IQCJ: variants seen among roughly 807,000 people sequenced by gnomAD.
The protein encoded by IQCJ is IQ domain-containing protein J.
A neutral mutation model predicts 11.0 loss-of-function variants in IQCJ; 9 were observed. The observed-to-expected ratio is 0.82, with a 90% confidence interval of 0.49 to 1.43. The LOEUF (loss-of-function observed/expected upper bound fraction) is 1.43. Among genes scored for constraint, IQCJ ranks in the 40% most tolerant of loss-of-function variants. The probability of loss-of-function intolerance (pLI) is 0.00; values close to 1 mark genes in which losing one functional copy is unlikely to be tolerated. For missense variants in IQCJ, 146 were observed against 133.2 expected (o/e 1.10, Z -0.47); for synonymous variants, 55 against 51.3 (o/e 1.07, Z -0.31).
Position 159,262,623 on chromosome 3 carries a change from C to T in IQCJ, c.231C>T (p.Val77=). The T allele has an allele frequency of 6.2e-7, 1 of 1,614,020 alleles. No individual in the cohort carries two copies. The highest frequency in any genetic ancestry group is 8.5e-7 in the Non-Finnish European group (1 of 1,179,888). Residue 77 remains valine (V), a synonymous_variant, in exon 4 of 4, where the codon GTC becomes GTT. Transcript: ENST00000397832. The stretch of plus-strand genomic sequence containing the variant: ...AGAGGAGCCCGTCCCCACCCTCTGT[C>T]TCCTCAGAGAAGCTGAGCAGCTCTG... ...LGKRSPSPPS[V]SSEKLSSSVS...
chr3:159,257,888 G>C (rs886677582), intron 3 of IQCJ, among the ~76,000 whole-genome samples: 12 of 152,092 alleles, frequency 7.9e-5, no homozygotes, highest in African/African-American at 2.9e-4. Context: ...AAACGTAATG[G>C]GGAGGCAGGG....
intron 1 of IQCJ, among the ~76,000 whole-genome samples, chr3:159,173,974 A>C (rs1448715540): frequency 6.6e-6 from 1 of 152,076 alleles, no homozygotes; most frequent in Non-Finnish European, 1.5e-5. Context: ...TAATTCTTTC[A>C]TAATTTTCCT....
intron 1 of IQCJ, among the ~76,000 whole-genome samples, chr3:159,129,141 T>C (rs759765519): frequency 6.6e-6 from 1 of 152,212 alleles, no homozygotes. Flanking sequence ...AAGTCTCTGA[T>C]GTATTAATAA....
intron 1 of IQCJ, among the ~76,000 whole-genome samples, chr3:159,119,155 T>C (rs1457902695): frequency 1.3e-5 from 2 of 152,248 alleles, no homozygotes; most frequent in African/African-American, 4.8e-5. Context: ...TTTGCTGCTG[T>C]GGCAGAGGAT....
chr3:159,222,472 C>T (rs984602778), intron 1 of IQCJ, among the ~76,000 whole-genome samples: 10 of 152,070 alleles, frequency 6.6e-5, no homozygotes, highest in African/African-American at 2.4e-4. Context: ...GTTTCCCTTT[C>T]CCCTGTATGT....
At chr3:159,175,812 A>G (rs1722761189) in intron 1 of IQCJ, among the ~76,000 whole-genome samples, 1 of 152,216 alleles carries the variant, frequency 6.6e-6, no homozygotes, top group Non-Finnish European at 1.5e-5. Context: ...AAGTCCTTGT[A>G]TGCACTAGAT....
chr3:159,265,264 T>A (rs1728435486), downstream of IQCJ: 1 of 1,613,790 alleles, frequency 6.2e-7, no homozygotes, highest in Non-Finnish European at 8.5e-7. Flanking sequence ...TCTTGGAGGT[T>A]GCAGTCACCT....
intron 1 of IQCJ, among the ~76,000 whole-genome samples, chr3:159,116,802 C>G (rs1245794142): frequency 6.6e-6 from 1 of 151,384 alleles, no homozygotes; most frequent in African/African-American, 2.4e-5. Context: ...AAAATAAGAA[C>G]CAAACCACAC....
intron 1 of IQCJ, among the ~76,000 whole-genome samples, chr3:159,225,023 G>A (rs1725770786): frequency 6.6e-6 from 1 of 152,010 alleles, no homozygotes; most frequent in South Asian, 2.1e-4. Context: ...ATAAAATTTG[G>A]CGTTATCTCA....
chr3:159,187,380 C>T (rs1408782120), intron 1 of IQCJ, among the ~76,000 whole-genome samples: 1 of 152,206 alleles, frequency 6.6e-6, no homozygotes, highest in East Asian at 1.9e-4. Flanking sequence ...TGGAATGAAA[C>T]CAAGGGGCCT....
intron 1 of IQCJ, among the ~76,000 whole-genome samples, chr3:159,179,818 C>T (rs1722991384): frequency 6.6e-6 from 1 of 152,140 alleles, no homozygotes; most frequent in Non-Finnish European, 1.5e-5. Flanking sequence ...GGTTAAATAA[C>T]ATTCAGTCAA....
At chr3:159,186,496 A>G (rs1388251234) in intron 1 of IQCJ, among the ~76,000 whole-genome samples, 2 of 152,206 alleles carry the variant, frequency 1.3e-5, no homozygotes, top group Non-Finnish European at 2.9e-5. Context: ...ATTGTGGAAG[A>G]CTAATTTGAA....
chr3:159,077,147 G>A (rs932331245), intron 1 of IQCJ, among the ~76,000 whole-genome samples: 13 of 152,074 alleles, frequency 8.5e-5, no homozygotes, highest in African/African-American at 3.1e-4. Flanking sequence ...TTTTAATCCA[G>A]TGTCTGCTGA....
rs1344130030 is a variant in IQCJ, at chr3:159,120,955, A to T, written c.9+51514A>T. On this transcript the variant is annotated intron_variant, in intron 1 of 3. Coordinates refer to ENST00000397832, the MANE Select transcript of IQCJ (RefSeq NM_001042706.3). Reference sequence around the variant, plus strand: ...ACATTTTTTTTTTCAAATAAGATGAAGGGTGAACAGAAAAAGCAAAATGCA... The same window carrying T: ...ACATTTTTTTTTTCAAATAAGATGATGGGTGAACAGAAAAAGCAAAATGCA... Among the ~76,000 whole-genome samples the T allele has an allele frequency of 3.3e-5, 5 of 151,962 alleles. No homozygotes were observed. The East Asian group carries it at 9.7e-4, about 29-fold the overall frequency.
intron 1 of IQCJ, among the ~76,000 whole-genome samples, chr3:159,244,883 A>G (rs1421365988): frequency 1.3e-5 from 2 of 152,092 alleles, no homozygotes; most frequent in Admixed American, 6.5e-5. Flanking sequence ...CACTTTGACA[A>G]TTTCTGGTGG....
intron 1 of IQCJ, among the ~76,000 whole-genome samples, chr3:159,150,613 C>CAT (rs1262024549): frequency 5.9e-5 from 9 of 151,696 alleles, no homozygotes; most frequent in Non-Finnish European, 1.2e-4. Flanking sequence ...CACACACACA[C>CAT]ACATATTCTG....
chr3:159,229,623 T>C (rs545509351), intron 1 of IQCJ, among the ~76,000 whole-genome samples: 13 of 150,070 alleles, frequency 8.7e-5, no homozygotes, highest in African/African-American at 2.5e-4. Context: ...TGGCCCTTTT[T>C]TTCATGTTCT....
At chr3:159,188,348 T>G (rs1723491603) in intron 1 of IQCJ, among the ~76,000 whole-genome samples, 1 of 152,058 alleles carries the variant, frequency 6.6e-6, no homozygotes, top group South Asian at 2.1e-4. Flanking sequence ...AGGTGGAGGT[T>G]GCAGTGAGCC....
chr3:159,151,823 G>C (rs1018346712), intron 1 of IQCJ, among the ~76,000 whole-genome samples: 1 of 152,168 alleles, frequency 6.6e-6, no homozygotes, highest in Non-Finnish European at 1.5e-5. Flanking sequence ...TTTTAGTAGA[G>C]ACGGGGTTTC....
Sources: allele counts gnomAD v4.1 joint callset (sites outside exome capture counted in the v4.1 genomes callset), GRCh38; gene constraint gnomAD v4.1.1; transcripts MANE v1.5; gene names NCBI Gene and HGNC (gene_info 2026-07-23, HGNC 2026-07-21).